Variants in PARD3 observed in about 807,000 individuals in gnomAD.
PARD3 encodes partitioning defective 3 homolog.
PARD3 carries 75 observed loss-of-function variants against 155.4 expected under a neutral mutation model. The observed-to-expected ratio is 0.48, with a 90% CI of 0.40 to 0.58. The LOEUF is 0.58. Among genes scored for constraint, PARD3 ranks in the 20% least tolerant of loss-of-function variants. The pLI, the probability that PARD3 is intolerant of heterozygous loss-of-function variation, is 0.00. For synonymous variants in PARD3, 576 were observed against 610.5 expected (o/e 0.94, Z 0.83); for missense variants, 1,642 against 1,721.7 (o/e 0.95, Z 0.82).
chr10:34,231,658 G>A (rs535176899), intron 22 of PARD3, among the ~76,000 whole-genome samples: 1 of 151,116 alleles, frequency 6.6e-6, no homozygotes, highest in East Asian at 1.9e-4. Flanking sequence ...TTTCTCTCTT[G>A]AAGCTCTCTT....
At chr10:34,709,750 A>G (rs1438872145) in intron 1 of PARD3, among the ~76,000 whole-genome samples, 1 of 152,040 alleles carries the variant, frequency 6.6e-6, no homozygotes, top group Non-Finnish European at 1.5e-5. Context: ...GGAGAAGGGA[A>G]CTACTTTGGG....
At chr10:34,509,268 T>C (rs2081266362) in intron 3 of PARD3, among the ~76,000 whole-genome samples, 1 of 152,082 alleles carries the variant, frequency 6.6e-6, no homozygotes, top group African/African-American at 2.4e-5. Context: ...TTCCGAGAGA[T>C]ACATTTTAAG....
chr10:34,605,446 G>A (rs1415973814), intron 2 of PARD3, among the ~76,000 whole-genome samples: 1 of 145,434 alleles, frequency 6.9e-6, no homozygotes, highest in African/African-American at 2.5e-5. Flanking sequence ...GCCCACCTCG[G>A]CCTCCCAAAG....
chr10:34,143,451 A>G (rs1054741302), intron 22 of PARD3, among the ~76,000 whole-genome samples: 50 of 152,248 alleles, frequency 3.3e-4, no homozygotes, highest in Non-Finnish European at 4.7e-4. Flanking sequence ...TCAGGCATAG[A>G]AACTAATTAT....
At chr10:34,646,144 T>C (rs2092830712) in intron 2 of PARD3, among the ~76,000 whole-genome samples, 1 of 152,224 alleles carries the variant, frequency 6.6e-6, no homozygotes, top group Non-Finnish European at 1.5e-5. Flanking sequence ...GTCAAATAAA[T>C]TGTTTTACCT....
At chr10:34,150,839 A>C (rs1948743567) in intron 22 of PARD3, among the ~76,000 whole-genome samples, 1 of 152,218 alleles carries the variant, frequency 6.6e-6, no homozygotes, top group African/African-American at 2.4e-5. Context: ...GACAGCTCTA[A>C]AGTATTATCA....
intron 6 of PARD3, among the ~76,000 whole-genome samples, chr10:34,400,187 G>C (rs1843734494): frequency 6.6e-6 from 1 of 152,166 alleles, no homozygotes. Flanking sequence ...GTGTTGCTCA[G>C]GCTGGCCTAG....
chr10:34,241,752 G>A (rs1407404164), intron 22 of PARD3, among the ~76,000 whole-genome samples: 1 of 152,096 alleles, frequency 6.6e-6, no homozygotes, highest in Non-Finnish European at 1.5e-5. Flanking sequence ...AATTCAGGAG[G>A]GAGCGAGGTC....
Position 34,605,524 on chromosome 10 carries a change from C to CTATATATATCTCCTATATATATATATA in PARD3, c.223-88392_223-88366dup, listed in dbSNP as rs1564404858. Among the ~76,000 whole-genome samples the CTATATATATCTCCTATATATATATATA allele has an allele frequency of 4.2e-4, 17 of 40,414 alleles. 4 individuals are homozygous for CTATATATATCTCCTATATATATATATA. The highest frequency in any genetic ancestry group is 1.7e-3 in the African/African-American group (15 of 8,700). 26.5% of individuals were successfully genotyped at this position (40,414 alleles called of 152,430 possible). A position where few individuals can be genotyped will look rare whatever the true frequency, so the allele number is the denominator to read the frequency against. On this transcript the variant is annotated intron_variant, in intron 2 of 24. Coordinates refer to ENST00000374788, the MANE Select transcript of PARD3 (RefSeq NM_001184785.2). ...ACTCTTAAATATATATATATATCTC[C>CTATATATATCTCCTATATATATATATA]TATATATATCTCCTATATATATATA... is the stretch of plus-strand genomic sequence containing the variant.
At chr10:34,306,657 T>C (rs1957425390) in intron 20 of PARD3, among the ~76,000 whole-genome samples, 1 of 152,082 alleles carries the variant, frequency 6.6e-6, no homozygotes, top group Non-Finnish European at 1.5e-5. Context: ...CTCAAAATAA[T>C]AATAACAATA....
chr10:34,280,956 G>T (rs1188561412), intron 21 of PARD3, among the ~76,000 whole-genome samples: 1 of 152,188 alleles, frequency 6.6e-6, no homozygotes, highest in African/African-American at 2.4e-5. Flanking sequence ...CTTGTAAACA[G>T]AACACATTCT....
At chr10:34,645,201 G>C (rs2001536) in intron 2 of PARD3, among the ~76,000 whole-genome samples, 1 of 136,634 alleles carries the variant, frequency 7.3e-6, no homozygotes, top group Admixed American at 6.8e-5. Flanking sequence ...ATTTTATTTT[G>C]ATTTATTTTA....
chr10:34,298,824 G>A (rs1462821774), intron 20 of PARD3, among the ~76,000 whole-genome samples: 3 of 152,184 alleles, frequency 2.0e-5, no homozygotes, highest in African/African-American at 7.2e-5. Context: ...AGGAGGTGGT[G>A]ATGCTGACAA....
chr10:34,431,515 G>T (rs889908643), intron 5 of PARD3, among the ~76,000 whole-genome samples: 1 of 152,096 alleles, frequency 6.6e-6, no homozygotes, highest in African/African-American at 2.4e-5. Flanking sequence ...GCCAAGGCGG[G>T]TGATCACCTG....
At chr10:34,194,093 A>G (rs1405825770) in intron 22 of PARD3, among the ~76,000 whole-genome samples, 2 of 152,188 alleles carry the variant, frequency 1.3e-5, no homozygotes, top group East Asian at 1.9e-4. Flanking sequence ...AGCTTCATAA[A>G]TAACCACTGC....
chr10:34,779,877 T>C (rs1028340253), intron 1 of PARD3, among the ~76,000 whole-genome samples: 3 of 152,216 alleles, frequency 2.0e-5, no homozygotes, highest in Non-Finnish European at 2.9e-5. Flanking sequence ...CAAAGTCCTA[T>C]ACACAGGCAA....
At chr10:34,622,845 T>A (rs1425057792) in intron 2 of PARD3, among the ~76,000 whole-genome samples, 1 of 149,924 alleles carries the variant, frequency 6.7e-6, no homozygotes, top group Non-Finnish European at 1.5e-5. Context: ...TTTTTTTTTT[T>A]AGTACACAGG....
intron 1 of PARD3, among the ~76,000 whole-genome samples, chr10:34,721,227 A>G (rs1456231148): frequency 6.6e-6 from 1 of 152,244 alleles, no homozygotes; most frequent in Non-Finnish European, 1.5e-5. Context: ...AACAGCAACC[A>G]AAAGAAATCA....
intron 5 of PARD3, among the ~76,000 whole-genome samples, chr10:34,431,611 G>A (rs1404673361): frequency 6.6e-6 from 1 of 151,852 alleles, no homozygotes; most frequent in Non-Finnish European, 1.5e-5. Context: ...ATGGTGGTGT[G>A]TGCCTGTAAT....
Sources: gnomAD v4.1 joint callset for allele counts (sites outside exome capture counted in the v4.1 genomes callset) on GRCh38, gnomAD v4.1.1 for gene constraint, MANE v1.5 for transcripts, NCBI Gene and HGNC (gene_info 2026-07-23, HGNC 2026-07-21) for gene names.